The following SLC6A8 variants were observed in gnomAD, a reference collection of about 807,000 sequenced individuals.
SLC6A8 encodes solute carrier family 6 member 8, also known as sodium- and chloride-dependent creatine transporter 1.
SLC6A8 carries 6 observed loss-of-function variants against 48.3 expected under a neutral mutation model. The observed-to-expected ratio is 0.12, with a 90% CI of 0.07 to 0.25. The LOEUF (loss-of-function observed/expected upper bound fraction) is 0.25, where lower values mean the gene tolerates loss of function less well. Among genes scored for constraint, SLC6A8 ranks in the 10% least tolerant of loss-of-function variants. The probability of loss-of-function intolerance (pLI) is 1.00; values close to 1 mark genes in which losing one functional copy is unlikely to be tolerated. For synonymous variants in SLC6A8, 245 were observed against 244.0 expected (o/e 1.00, Z -0.04); for missense variants, 260 against 551.5 (o/e 0.47, Z 5.29).
chrX:153,692,150 G>T, intron 4 of SLC6A8, 43 bp downstream of exon 4: 1 of 1,163,869 alleles, frequency 8.6e-7, no homozygotes, highest in Non-Finnish European at 1.2e-6. Flanking sequence ...CTCAGCCCTG[G>T]GAGCCGGATG....
chrX:153,694,498 C>G (rs2091476539), intron 10 of SLC6A8, 35 bp from the exon 11 acceptor site: 3 of 1,193,815 alleles, frequency 2.5e-6, no homozygotes, highest in Non-Finnish European at 3.4e-6. Context: ...GAAGGCAGGT[C>G]TCCAGCTTGG....
chrX:153,693,860 G>A, intron 7 of SLC6A8, 45 bp from the exon 8 acceptor site: 1 of 1,024,116 alleles, frequency 9.8e-7, no homozygotes, highest in Non-Finnish European at 1.3e-6. Context: ...TGCGCACAGG[G>A]CAGGACATCG....
At chrX:153,690,228 C>T in intron 1 of SLC6A8, 147 bp from the exon 2 acceptor site, 3 of 571,857 alleles carry the variant, frequency 5.2e-6, no homozygotes, top group Admixed American at 2.8e-5. Context: ...CTCAAGACTC[C>T]ACCTGGGGCC....
At position 153,695,839 on chromosome X, in the gene SLC6A8, G is replaced by A. The variant is rs1297534274; in HGVS notation, c.*625G>A. On this transcript the variant is annotated 3_prime_UTR_variant, in exon 13 of 13. Transcript: ENST00000253122. ...TGCGAGTGCACGCGTGCGTGAGTAC[G>A]GAGAGTATATATAGATCTCTATCTC... 8 of 135,764 alleles carry A rather than the reference G, an allele frequency of 5.9e-5. No homozygotes were observed. Among genetic ancestry groups the A allele is most frequent in the African/African-American group, 1.9e-4 (6 of 31,627 alleles). 11.2% of individuals were successfully genotyped at this position (135,764 alleles called of 1,213,427 possible). A position where few individuals can be genotyped will look rare whatever the true frequency, so the allele number is the denominator to read the frequency against.
chrX:153,693,317 G>A lies in SLC6A8; in HGVS notation c.967G>A (p.Ala323Thr), dbSNP rs1211099077. ...CTTTTCTTACGCCATTGGCCTGGGG[G>A]CCCTCACAGCCCTGGGCAGCTACAA... is the stretch of plus-strand genomic sequence containing the variant. ...IFFSYAIGLG[A>T]LTALGSYNRF... The change falls in exon 6 of 13, where the codon GCC becomes ACC. Residue 323 changes from alanine (A) to threonine (T), a missense_variant. Ala to Thr is a moderately conservative substitution (Grantham distance 58, BLOSUM62 0). Coordinates refer to ENST00000253122, the MANE Select transcript of SLC6A8 (RefSeq NM_005629.4). 3 of 1,209,688 alleles carry A rather than the reference G, an allele frequency of 2.5e-6. No homozygotes were observed. Among genetic ancestry groups the A allele is most frequent in the Non-Finnish European group, 3.4e-6 (3 of 894,641 alleles).
rs781871613 is a variant in SLC6A8 at position 153,691,520 on chromosome X, C to T, written c.611C>T (p.Ala204Val). 1 of 1,211,833 alleles carries T rather than the reference C, an allele frequency of 8.3e-7. No individual in the cohort carries two copies. Among genetic ancestry groups the T allele is most frequent in the Non-Finnish European group, 1.1e-6 (1 of 895,343 alleles). ...SLANLTCDQL[A>V]DRRSPVIEFW... ...GCCAACCTCACCTGTGACCAGCTTG[C>T]TGACCGCCGGTCCCCTGTCATCGAG... The change falls in exon 3 of 13, where the codon GCT becomes GTT. Residue 204 changes from alanine (A) to valine (V), a missense_variant. Ala to Val is a moderately conservative substitution (Grantham distance 64). This residue lies in a region of SLC6A8 where 75 missense variants were observed against 248.8 expected (regional missense o/e 0.30). Coordinates refer to ENST00000253122, the MANE Select transcript of SLC6A8 (RefSeq NM_005629.4).
At chrX:153,691,208 T>C (rs6643764) in intron 2 of SLC6A8, 96 bp from the exon 3 acceptor site, 143,701 of 985,864 alleles carry the variant, frequency 0.15, 12,294 homozygotes, top group African/African-American at 0.61. Context: ...GGAGGACAGA[T>C]GGTGGGAGCA....
chrX:153,691,483 A>T lies in SLC6A8; in HGVS notation c.574A>T (p.Asn192Tyr). ...GATCTTCCGCCATGAAGACTGTGCC[A>T]ATGCCAGCCTGGCCAACCTCACCTG... is the stretch of plus-strand genomic sequence containing the variant. Reference protein sequence around the residue: ...VEIFRHEDCANASLANLTCDQ... With the variant: ...VEIFRHEDCAYASLANLTCDQ... Residue 192 changes from asparagine to tyrosine, a missense_variant, in exon 3 of 13, where the codon AAT becomes TAT. Physicochemically the swap from Asn to Tyr is moderately radical, Grantham distance 143. Transcript: ENST00000253122. The T allele has an allele frequency of 8.3e-7, 1 of 1,211,837 alleles. No individual in the cohort carries two copies. Among genetic ancestry groups the T allele is most frequent in the East Asian group, 3.0e-5 (1 of 33,867 alleles).
chrX:153,688,992 G>A (rs1194749129), intron 1 of SLC6A8, 156 bp downstream of exon 1: 2 of 158,694 alleles, frequency 1.3e-5, no homozygotes, highest in Admixed American at 8.4e-5. Flanking sequence ...GCCGCTCGGT[G>A]GCCGGGCCGG....
chrX:153,696,456 A>G lies in SLC6A8; in HGVS notation c.*1242A>G, dbSNP rs1215668482. The G allele has an allele frequency of 6.1e-6, 2 of 330,367 alleles. No homozygotes were observed. Among genetic ancestry groups the G allele is most frequent in the Non-Finnish European group, 1.2e-5 (2 of 169,810 alleles). The allele number at this position is 330,367 out of a possible 1,213,427, so 27.2% of individuals were successfully genotyped here. A position where few individuals can be genotyped will look rare whatever the true frequency, so the allele number is the denominator to read the frequency against. On this transcript the variant is annotated 3_prime_UTR_variant, in exon 13 of 13. Coordinates refer to ENST00000253122, the MANE Select transcript of SLC6A8 (RefSeq NM_005629.4). The stretch of plus-strand genomic sequence containing the variant: ...AGTCCCGAGACGGCTGAGTGACCCC[A>G]AGAAAGGCTTCCCCGACACCCAGAC...
rs2091466427 is a variant in SLC6A8 at position 153,693,157 on chromosome X, A to G, written c.894A>G (p.Ser298=). 8.3e-7 allele frequency: 1 copy of G among 1,209,668 alleles called. No individual in the cohort carries two copies. The highest frequency in any genetic ancestry group is 2.2e-5 in the Admixed American group (1 of 45,906). Residue 298 remains serine (S), a synonymous_variant, in exon 5 of 13, where the codon TCA becomes TCG. Transcript: ENST00000253122. The part of the protein sequence containing the change: ...GIIYYLKPDW[S]KLGSPQVWID... ...TTTACTATCTCAAGCCTGACTGGTC[A>G]AAGCTGGGGTCCCCTCAGGTGAGGT...
At position 153,694,050 on chromosome X, in the gene SLC6A8, AG is replaced by A. The variant is rs782366420; in HGVS notation, c.1254+39del. Reference sequence around the variant, plus strand: ...TGGGGCTCTGGGACAGGGAGCCAGGAGGGGGGCGGAGGGAGGGCTGCAGGCA... The same window carrying A: ...TGGGGCTCTGGGACAGGGAGCCAGGAGGGGGCGGAGGGAGGGCTGCAGGCA... On this transcript the variant is annotated intron_variant, in intron 8 of 12. Coordinates refer to ENST00000253122, the MANE Select transcript of SLC6A8 (RefSeq NM_005629.4). The A allele has an allele frequency of 5.8e-4, 562 of 964,670 alleles. 2 individuals are homozygous for A. Among genetic ancestry groups the A allele is most frequent in the Non-Finnish European group, 7.4e-4 (537 of 725,039 alleles). The allele number at this position is 964,670 out of a possible 1,213,427, so 79.5% of individuals were successfully genotyped here. A position where few individuals can be genotyped will look rare whatever the true frequency, so the allele number is the denominator to read the frequency against.
rs1416611453 is a variant in SLC6A8 at position 153,695,674 on chromosome X, G to A, written c.*460G>A. 4 of 169,242 alleles carry A rather than the reference G, an allele frequency of 2.4e-5. No homozygotes were observed. The highest frequency in any genetic ancestry group is 2.2e-5 in the Non-Finnish European group (2 of 89,947). 13.9% of individuals were successfully genotyped at this position (169,242 alleles called of 1,213,427 possible). On this transcript the variant is annotated 3_prime_UTR_variant, in exon 13 of 13. Transcript: ENST00000253122. Reference sequence around the variant, plus strand: ...AGAGGAGAAGGGAGGCAGGGGAGGGGCAGCAGAACCAAGGCAAATATTTCA... The same window carrying A: ...AGAGGAGAAGGGAGGCAGGGGAGGGACAGCAGAACCAAGGCAAATATTTCA...
chrX:153,690,904 C>CA (rs1557044340), intron 2 of SLC6A8: 24 of 213,687 alleles, frequency 1.1e-4, no homozygotes, highest in Admixed American at 5.2e-4. Context: ...CCCCCCCCCC[C>CA]ACCACCACCA....
At chrX:153,692,640 C>G (rs1282075067) in intron 4 of SLC6A8, 10 of 342,722 alleles carry the variant, frequency 2.9e-5, no homozygotes, top group Admixed American at 6.2e-5. Context: ...CTGCTCAACC[C>G]CCACCTCTCT....
intron 2 of SLC6A8, 160 bp from the exon 3 acceptor site, chrX:153,691,144 G>A: frequency 3.5e-6 from 2 of 573,343 alleles, no homozygotes; most frequent in Non-Finnish European, 5.9e-6. Flanking sequence ...GCAGTGTTGG[G>A]GCTCACACAA....
Position 153,694,448 on chromosome X carries a change from T to A in SLC6A8, c.1495+2T>A. ...GCGTGGTGGTGGCCTGGGTGTACGG[T>A]AGGTCATGGCTGAGGGCTGGGCTGG... On this transcript the variant is annotated splice_donor_variant, in intron 10 of 12. Coordinates refer to ENST00000253122, the MANE Select transcript of SLC6A8 (RefSeq NM_005629.4). LOFTEE classifies it high-confidence loss of function. The A allele has an allele frequency of 8.3e-7, 1 of 1,204,274 alleles. No individual in the cohort carries two copies. Among genetic ancestry groups the A allele is most frequent in the Non-Finnish European group, 1.1e-6 (1 of 888,848 alleles).
At chrX:153,692,651 C>T (rs1557044762) in intron 4 of SLC6A8, 1 of 344,599 alleles carries the variant, frequency 2.9e-6, no homozygotes, top group African/African-American at 2.6e-5. Flanking sequence ...CCACCTCTCT[C>T]CAGAAGAGGA....
At chrX:153,693,694 G>A (rs2091470526) in intron 7 of SLC6A8, 108 bp downstream of exon 7, 1 of 977,704 alleles carries the variant, frequency 1.0e-6, no homozygotes. Flanking sequence ...GATTCAAACG[G>A]AACTTGTCAG....
Sources: allele counts gnomAD v4.1 joint callset, GRCh38; gene constraint gnomAD v4.1.1; regional missense constraint gnomAD v4.1.1; transcripts MANE v1.5; gene names NCBI Gene and HGNC (gene_info 2026-07-23, HGNC 2026-07-21).